The following ARHGAP26 variants were observed in gnomAD, a reference collection of about 807,000 sequenced individuals.
The protein encoded by ARHGAP26 is rho GTPase-activating protein 26.
In ARHGAP26, 38 loss-of-function variants were observed where a neutral mutation model predicts 104.8. That is an observed-to-expected ratio of 0.36 (90% confidence interval 0.28 to 0.48). ARHGAP26 has a LOEUF of 0.48. Among genes scored for constraint, ARHGAP26 ranks in the 20% least tolerant of loss-of-function variants. The probability of loss-of-function intolerance (pLI) is 0.99; values close to 1 mark genes in which losing one functional copy is unlikely to be tolerated. For synonymous variants in ARHGAP26, 341 were observed against 340.0 expected, an observed-to-expected ratio of 1.00 and a Z score of -0.03; for missense variants, 704 against 947.9, an observed-to-expected ratio of 0.74 and a Z score of 3.38.
chr5:143,195,222 A>G (rs2028268), intron 20 of ARHGAP26, among the ~76,000 whole-genome samples: 35,915 of 152,088 alleles, frequency 0.24, 5,389 homozygotes, highest in African/African-American at 0.43. Flanking sequence ...CATCCTGGAC[A>G]TTGTCCTTGC....
At chr5:142,864,089 C>A (rs79734368) in intron 1 of ARHGAP26, among the ~76,000 whole-genome samples, 5,473 of 152,122 alleles carry the variant, frequency 0.036, 159 homozygotes, top group Admixed American at 0.081. Context: ...GTGGGTCTGA[C>A]TTGTGTGGTC....
At chr5:143,070,782 C>T (rs1275142894) in intron 17 of ARHGAP26, among the ~76,000 whole-genome samples, 1 of 152,046 alleles carries the variant, frequency 6.6e-6, no homozygotes, top group Non-Finnish European at 1.5e-5. Context: ...TGGTGGTGTG[C>T]ACCTGTAGTC....
chr5:143,095,500 T>G (rs535335975), intron 17 of ARHGAP26, among the ~76,000 whole-genome samples: 67 of 152,360 alleles, frequency 4.4e-4, no homozygotes, highest in African/African-American at 1.5e-3. Context: ...ACTAAAACAA[T>G]TTTAAAGCTT....
At chr5:143,065,034 C>G (rs1405842774) in intron 17 of ARHGAP26, among the ~76,000 whole-genome samples, 2 of 152,014 alleles carry the variant, frequency 1.3e-5, no homozygotes, top group African/African-American at 2.4e-5. Flanking sequence ...TCATCTCTTC[C>G]TTTTCTGAGT....
At chr5:142,800,104 A>G (rs1390055289) in intron 1 of ARHGAP26, among the ~76,000 whole-genome samples, 1 of 152,246 alleles carries the variant, frequency 6.6e-6, no homozygotes, top group African/African-American at 2.4e-5. Context: ...GTCTGGCACA[A>G]TGATCTAGAA....
chr5:142,912,721 A>G (rs1302892641), intron 9 of ARHGAP26, among the ~76,000 whole-genome samples: 1 of 152,182 alleles, frequency 6.6e-6, no homozygotes, highest in Non-Finnish European at 1.5e-5. Context: ...TTCATCACCT[A>G]TATCAATGCG....
chr5:142,984,591 A>G (rs1385228442), intron 11 of ARHGAP26, among the ~76,000 whole-genome samples: 1 of 152,230 alleles, frequency 6.6e-6, no homozygotes, highest in Non-Finnish European at 1.5e-5. Context: ...AGCGTAATGC[A>G]TAGAAGTAGA....
chr5:143,179,910 A>T (rs1378684628), intron 20 of ARHGAP26, among the ~76,000 whole-genome samples: 1 of 152,140 alleles, frequency 6.6e-6, no homozygotes, highest in Non-Finnish European at 1.5e-5. Flanking sequence ...GTCAAACCTC[A>T]TGACCCCTTT....
At chr5:142,907,852 T>C (rs756691111) in intron 9 of ARHGAP26, 48 bp downstream of exon 9, 11 of 1,271,550 alleles carry the variant, frequency 8.7e-6, no homozygotes, top group Non-Finnish European at 1.3e-5. Flanking sequence ...GGCTAACATA[T>C]AATGATTATA....
chr5:142,819,090 T>A (rs559430041), intron 1 of ARHGAP26, among the ~76,000 whole-genome samples: 2 of 152,304 alleles, frequency 1.3e-5, no homozygotes, highest in African/African-American at 4.8e-5. Context: ...GTTACTGGGA[T>A]GTCCCTGTGC....
At chr5:142,960,894 G>T (rs780214473) in intron 11 of ARHGAP26, among the ~76,000 whole-genome samples, 1 of 152,040 alleles carries the variant, frequency 6.6e-6, no homozygotes, top group African/African-American at 2.4e-5. Flanking sequence ...TTTTTCACTT[G>T]CCTCTTTCCA....
chr5:143,143,616 C>A (rs1207884317), intron 19 of ARHGAP26, among the ~76,000 whole-genome samples: 15 of 152,196 alleles, frequency 9.9e-5, no homozygotes, highest in Admixed American at 9.2e-4. Context: ...CGCAAAACTA[C>A]CCCTTTCTGT....
At chr5:142,954,587 C>G (rs913362095) in intron 11 of ARHGAP26, among the ~76,000 whole-genome samples, 3 of 152,204 alleles carry the variant, frequency 2.0e-5, no homozygotes, top group Admixed American at 1.3e-4. Context: ...ATCTCTACAC[C>G]CTCCCCTCTG....
chr5:143,169,728 C>A (rs1320463419), intron 20 of ARHGAP26: 1 of 152,236 alleles, frequency 6.6e-6, no homozygotes, highest in Non-Finnish European at 1.5e-5. Flanking sequence ...GGCACACGGA[C>A]TCTGCGGATG....
chr5:143,041,504 T>C, intron 13 of ARHGAP26: 1 of 230,638 alleles, frequency 4.3e-6, no homozygotes, highest in East Asian at 8.6e-5. Flanking sequence ...TATTTAAAAG[T>C]GTACATTTTG....
At chr5:143,064,482 G>A (rs1487184380) in intron 17 of ARHGAP26, among the ~76,000 whole-genome samples, 6 of 150,338 alleles carry the variant, frequency 4.0e-5, no homozygotes, top group Non-Finnish European at 8.8e-5. Flanking sequence ...ACCGCTTCCT[G>A]GCCTATTTAT....
intron 2 of ARHGAP26, chr5:142,874,853 A>C: frequency 2.3e-6 from 1 of 442,474 alleles, no homozygotes; most frequent in Non-Finnish European, 4.1e-6. Context: ...CCAGTCCTGG[A>C]TACTCTCAGG....
At chr5:142,874,884 G>T in intron 2 of ARHGAP26, 1 of 524,230 alleles carries the variant, frequency 1.9e-6, no homozygotes, top group Non-Finnish European at 3.4e-6. Context: ...TCTTTTCCTT[G>T]AAGAAATCAT....
chr5:142,966,197 C>T (rs889444035), intron 11 of ARHGAP26, among the ~76,000 whole-genome samples: 7 of 152,166 alleles, frequency 4.6e-5, no homozygotes, highest in Admixed American at 2.0e-4. Context: ...CTCTCCTAAT[C>T]GCATTTATAA....
Sources: allele counts gnomAD v4.1 joint callset (sites outside exome capture counted in the v4.1 genomes callset), GRCh38; gene constraint gnomAD v4.1.1; transcripts MANE v1.5; gene names NCBI Gene and HGNC (gene_info 2026-07-23, HGNC 2026-07-21).